The following CRLF3 variants were observed in gnomAD, a reference collection of about 807,000 sequenced individuals.
The protein encoded by CRLF3 is cytokine receptor like factor 3, also known as cytokine receptor-like factor 3.
In CRLF3, 33 loss-of-function variants were observed where a neutral mutation model predicts 55.0. The ratio of observed to expected loss-of-function variants is 0.60; its 90% CI spans 0.46 to 0.80. The LOEUF (loss-of-function observed/expected upper bound fraction) is 0.80. Among genes scored for constraint, CRLF3 ranks in the 30% least tolerant of loss-of-function variants. The probability of loss-of-function intolerance (pLI) is 0.00; values close to 1 mark genes in which losing one functional copy is unlikely to be tolerated. For synonymous variants in CRLF3, 238 were observed against 196.8 expected, an observed-to-expected ratio of 1.21 and a Z score of -1.75; for missense variants, 494 against 538.4, an observed-to-expected ratio of 0.92 and a Z score of 0.82.
intron 6 of CRLF3, chr17:30,790,747 G>C (rs1050623750): frequency 6.6e-6 from 1 of 150,932 alleles, no homozygotes; most frequent in Non-Finnish European, 1.5e-5. Flanking sequence ...CTCCCGAGTA[G>C]CTGGGACTAC....
At chr17:30,797,643 A>G (rs540065293) in intron 2 of CRLF3, among the ~76,000 whole-genome samples, 1 of 152,296 alleles carries the variant, frequency 6.6e-6, no homozygotes, top group South Asian at 2.1e-4. Flanking sequence ...TACTCTATAC[A>G]AGGAAATCAA....
At chr17:30,784,780 CAG>C (rs1162696047) in intron 7 of CRLF3, 16 of 211,022 alleles carry the variant, frequency 7.6e-5, no homozygotes, top group Admixed American at 4.9e-4. Flanking sequence ...TTTTTGGAGA[CAG>C]AGTTTCACTC....
intron 1 of CRLF3, among the ~76,000 whole-genome samples, chr17:30,813,833 T>C (rs1447496190): frequency 6.7e-6 from 1 of 148,580 alleles, no homozygotes; most frequent in Non-Finnish European, 1.5e-5. Context: ...AAGCAGATAC[T>C]ACCCTTATCC....
chr17:30,784,005 A>AAAAT lies in CRLF3; in HGVS notation c.*181_*182insATTT. 1.8e-6 allele frequency: 1 copy of AAAAT among 559,218 alleles called. No homozygotes were observed. Among genetic ancestry groups the AAAAT allele is most frequent in the Non-Finnish European group, 3.1e-6 (1 of 318,010 alleles). 34.6% of individuals were successfully genotyped at this position (559,218 alleles called of 1,614,324 possible). A position where few individuals can be genotyped will look rare whatever the true frequency, so the allele number is the denominator to read the frequency against. On this transcript the variant is annotated 3_prime_UTR_variant, in exon 8 of 8. Transcript: ENST00000324238. ...CTAAAAATAAAATTGACTGAATTGT[A>AAAAT]TGATTTTGTCCACAACATTGAAGTC...
intron 2 of CRLF3, chr17:30,801,200 T>G (rs1298195415): frequency 6.6e-6 from 1 of 151,298 alleles, no homozygotes; most frequent in Non-Finnish European, 1.5e-5. Context: ...GGATTACAGG[T>G]GTGAGCCATT....
chr17:30,793,046 C>A (rs1453660479), intron 5 of CRLF3, among the ~76,000 whole-genome samples: 4 of 150,550 alleles, frequency 2.7e-5, no homozygotes, highest in African/African-American at 9.8e-5. Flanking sequence ...GTCCCAGCTA[C>A]TTGGGAGACT....
At chr17:30,800,270 G>A (rs1321312299) in intron 2 of CRLF3, among the ~76,000 whole-genome samples, 1 of 152,126 alleles carries the variant, frequency 6.6e-6, no homozygotes, top group Non-Finnish European at 1.5e-5. Context: ...GTCCCTTGAT[G>A]ATTGTACTTA....
chr17:30,799,406 C>T (rs1971970885), intron 2 of CRLF3, among the ~76,000 whole-genome samples: 1 of 152,166 alleles, frequency 6.6e-6, no homozygotes, highest in Admixed American at 6.6e-5. Flanking sequence ...GTCACCCAGG[C>T]TGGAGTGTGA....
chr17:30,824,499 C>T, intron 1 of CRLF3, 24 bp downstream of exon 1: 2 of 1,574,484 alleles, frequency 1.3e-6, no homozygotes, highest in Admixed American at 1.7e-5. Context: ...GCCCACAGCG[C>T]CCCTGTGGGT....
At chr17:30,812,287 A>T (rs1043324906) in intron 1 of CRLF3, among the ~76,000 whole-genome samples, 4 of 152,282 alleles carry the variant, frequency 2.6e-5, no homozygotes, top group African/African-American at 9.6e-5. Flanking sequence ...AACAGCAACA[A>T]TACAGCAGCA....
chr17:30,793,350 A>G lies in CRLF3; in HGVS notation c.826+100T>C, dbSNP rs369294066. 4.9e-6 allele frequency: 4 copies of G among 822,432 alleles called. No homozygotes were observed. The African/African-American group carries it at 6.9e-5, about 14-fold the overall frequency. The allele number at this position is 822,432 out of a possible 1,614,324, so 50.9% of individuals were successfully genotyped here. ...TGTTGTTCTTATCAATTCAGGATCT[A>G]TGCTTAGAATAGCTGGTTGTCAGTG... On this transcript the variant is annotated intron_variant, in intron 5 of 7. Transcript: ENST00000324238.
In CRLF3 at chr17:30,797,983, T is replaced by C. The variant is rs528116026; in HGVS notation, c.338-585A>G. On this transcript the variant is annotated intron_variant, in intron 2 of 7. Coordinates refer to ENST00000324238, the MANE Select transcript of CRLF3 (RefSeq NM_015986.4). ...TTGGTAGAGATGAGGTCTCACTATG[T>C]TGCCCAGGCTGGGCATAAGGCTTGA... Among the ~76,000 whole-genome samples the C allele has an allele frequency of 8.0e-5, 12 of 149,700 alleles. No individual in the cohort carries two copies. The South Asian group carries it at 2.6e-3, about 32-fold the overall frequency.
chr17:30,792,459 C>T lies in CRLF3; in HGVS notation c.940G>A (p.Gly314Arg). 1 of 1,611,330 alleles carries T rather than the reference C, an allele frequency of 6.2e-7. No individual in the cohort carries two copies. The highest frequency in any genetic ancestry group is 8.5e-7 in the Non-Finnish European group (1 of 1,177,688). Reference protein sequence around the residue: ...LYSRAPTYFCGQTLTFRVETV... With the variant: ...LYSRAPTYFCRQTLTFRVETV... ...ACTTGCCTGAATGTTAATGTCTGCCCACAGAAATAAGTCGGAGCTCTGGAG... is the reference window on the plus strand; with the variant it reads ...ACTTGCCTGAATGTTAATGTCTGCCTACAGAAATAAGTCGGAGCTCTGGAG... Residue 314 changes from glycine (G) to arginine (R), a missense_variant, in exon 6 of 8, where the codon GGG becomes AGG. Physicochemically the swap from Gly to Arg is moderately radical, Grantham distance 125. Transcript: ENST00000324238.
At chr17:30,789,122 A>G (rs1257099753) in intron 6 of CRLF3, among the ~76,000 whole-genome samples, 1 of 152,022 alleles carries the variant, frequency 6.6e-6, no homozygotes, top group Non-Finnish European at 1.5e-5. Context: ...TTCCACAAAG[A>G]AAAAAATGAC....
In CRLF3 at chr17:30,793,525, C is replaced by T. The variant is rs371659854; in HGVS notation, c.751G>A (p.Ala251Thr). The T allele has an allele frequency of 1.7e-5, 28 of 1,614,126 alleles. No individual in the cohort carries two copies. The highest frequency in any genetic ancestry group is 8.9e-5 in the East Asian group (4 of 44,884). ...PNVDYQFRVC[A>T]RGDGRQEWSP... ...CACTCCTGTCGGCCATCTCCTCGGGCGCAGACTCTGAACTGGTAATCAACG... is the reference window on the plus strand; with the variant it reads ...CACTCCTGTCGGCCATCTCCTCGGGTGCAGACTCTGAACTGGTAATCAACG... The change falls in exon 5 of 8, where the codon GCC becomes ACC. Residue 251 changes from alanine (A) to threonine (T), a missense_variant. Coordinates refer to ENST00000324238, the MANE Select transcript of CRLF3 (RefSeq NM_015986.4).
chr17:30,802,616 C>T (rs1368984858), intron 2 of CRLF3, among the ~76,000 whole-genome samples: 4 of 147,178 alleles, frequency 2.7e-5, no homozygotes, highest in Non-Finnish European at 4.5e-5. Flanking sequence ...TTTTTTGTAG[C>T]GACAGGCTGT....
chr17:30,791,242 T>A (rs969605791), intron 6 of CRLF3, among the ~76,000 whole-genome samples: 5 of 151,874 alleles, frequency 3.3e-5, no homozygotes, highest in African/African-American at 9.7e-5. Flanking sequence ...AGCTAATTTT[T>A]GTATTTTTAG....
At chr17:30,791,824 A>G (rs1181432707) in intron 6 of CRLF3, among the ~76,000 whole-genome samples, 1 of 151,282 alleles carries the variant, frequency 6.6e-6, no homozygotes, top group Admixed American at 6.6e-5. Context: ...CCAGGCCTCT[A>G]AATTTTTAAG....
chr17:30,786,887 A>C (rs1354924257), intron 6 of CRLF3: 1 of 152,186 alleles, frequency 6.6e-6, no homozygotes, highest in African/African-American at 2.4e-5. Context: ...TTTAGTAGAG[A>C]CGGGGTTTCA....
Sources: allele counts gnomAD v4.1 joint callset (sites outside exome capture counted in the v4.1 genomes callset), GRCh38; gene constraint gnomAD v4.1.1; transcripts MANE v1.5; gene names NCBI Gene and HGNC (gene_info 2026-07-23, HGNC 2026-07-21).